The following NEXMIF variants were observed in gnomAD, a reference collection of about 807,000 sequenced individuals.
NEXMIF encodes the protein neurite extension and migration factor.
In NEXMIF, 8 loss-of-function variants were observed where a neutral mutation model predicts 62.1. The observed-to-expected ratio is 0.13, with a 90% CI of 0.08 to 0.23. The LOEUF is 0.23. NEXMIF is among the 10% of genes least tolerant of loss of function. The pLI is 1.00. For synonymous variants in NEXMIF, 404 were observed against 416.6 expected, an observed-to-expected ratio of 0.97 and a Z score of 0.37; for missense variants, 976 against 1,113.3, an observed-to-expected ratio of 0.88 and a Z score of 1.75.
At chrX:74,765,744 G>C (rs1388060225) in intron 1 of NEXMIF, among the ~76,000 whole-genome samples, 1 of 109,393 alleles carries the variant, frequency 9.1e-6, no homozygotes, top group Non-Finnish European at 1.9e-5. Context: ...AGAATGTTGA[G>C]ACTGGGTGTG....
chrX:74,766,541 T>C (rs1190137873), intron 1 of NEXMIF, among the ~76,000 whole-genome samples: 1 of 112,091 alleles, frequency 8.9e-6, no homozygotes, highest in Admixed American at 9.5e-5. Flanking sequence ...TGTGACTGCA[T>C]TGTGAAATTC....
At chrX:74,828,777 T>G (rs2080426542) in intron 1 of NEXMIF, among the ~76,000 whole-genome samples, 1 of 111,874 alleles carries the variant, frequency 8.9e-6, no homozygotes, top group Non-Finnish European at 1.9e-5. Flanking sequence ...ATCCTAGCCT[T>G]AAAAAAGCAA....
intron 1 of NEXMIF, among the ~76,000 whole-genome samples, chrX:74,859,172 C>T (rs1028584933): frequency 2.7e-5 from 3 of 111,051 alleles, no homozygotes; most frequent in African/African-American, 9.8e-5. Context: ...GGTTATAGAA[C>T]ACCCAACAGA....
At chrX:74,869,690 G>T (rs764388791) in intron 1 of NEXMIF, among the ~76,000 whole-genome samples, 1 of 111,602 alleles carries the variant, frequency 9.0e-6, no homozygotes, top group Non-Finnish European at 1.9e-5. Context: ...ATCTGAAAAT[G>T]AAATAAAGAA....
At chrX:74,885,372 A>G (rs1013091813) in intron 1 of NEXMIF, among the ~76,000 whole-genome samples, 1 of 111,760 alleles carries the variant, frequency 8.9e-6, no homozygotes, top group African/African-American at 3.3e-5. Flanking sequence ...GTTTTTTGAA[A>G]AGATCAACAA....
intron 1 of NEXMIF, among the ~76,000 whole-genome samples, chrX:74,831,938 T>C (rs987171198): frequency 3.6e-5 from 4 of 112,480 alleles, no homozygotes; most frequent in Admixed American, 1.9e-4. Flanking sequence ...TGCTGTACCA[T>C]CCTTGTATCC....
At chrX:74,883,547 C>T (rs994426509) in intron 1 of NEXMIF, among the ~76,000 whole-genome samples, 6 of 110,951 alleles carry the variant, frequency 5.4e-5, no homozygotes, top group Admixed American at 1.9e-4. Flanking sequence ...AGGGTATCAG[C>T]GATGGAAGAC....
At chrX:74,868,652 G>C (rs893499480) in intron 1 of NEXMIF, among the ~76,000 whole-genome samples, 8 of 109,600 alleles carry the variant, frequency 7.3e-5, no homozygotes, top group Non-Finnish European at 1.3e-4. Flanking sequence ...AAGAGCATCA[G>C]GATAAATAGC....
chrX:74,802,043 C>A (rs2080331343), intron 1 of NEXMIF, among the ~76,000 whole-genome samples: 1 of 112,084 alleles, frequency 8.9e-6, no homozygotes, highest in Non-Finnish European at 1.9e-5. Flanking sequence ...TCAGCTGCAA[C>A]AACAGAACAC....
chrX:74,779,268 T>C (rs964594477), intron 1 of NEXMIF, among the ~76,000 whole-genome samples: 1 of 111,410 alleles, frequency 9.0e-6, no homozygotes, highest in Non-Finnish European at 1.9e-5. Context: ...AGTGTTCTTA[T>C]TGTTCTCTTT....
chrX:74,740,967 C>T lies in NEXMIF; in HGVS notation c.3590G>A (p.Arg1197Lys), dbSNP rs2147439368. 2 of 1,211,587 alleles carry T rather than the reference C, an allele frequency of 1.7e-6. No homozygotes were observed. Among genetic ancestry groups the T allele is most frequent in the East Asian group, 5.9e-5 (2 of 33,811 alleles). The change falls in exon 3 of 4, where the codon AGG becomes AAG. Residue 1197 changes from arginine (R) to lysine (K), a missense_variant. Arg to Lys is a conservative substitution (Grantham distance 26). Coordinates refer to ENST00000055682, the MANE Select transcript of NEXMIF (RefSeq NM_001008537.3). The part of the protein sequence containing the change: ...MNQSSSQKNT[R>K]KKSLKGNNKG... ...GTTGTTACCTTTGAGGGATTTTTTCCTGGTGTTTTTCTGAGAAGAGCTTTG... is the reference window on the plus strand; with the variant it reads ...GTTGTTACCTTTGAGGGATTTTTTCTTGGTGTTTTTCTGAGAAGAGCTTTG...
intron 1 of NEXMIF, among the ~76,000 whole-genome samples, chrX:74,765,983 G>A (rs1327674423): frequency 6.6e-5 from 7 of 105,473 alleles, no homozygotes; most frequent in Non-Finnish European, 1.2e-4. Flanking sequence ...AGAGGTTGCA[G>A]TGAGCCGAGA....
intron 1 of NEXMIF, among the ~76,000 whole-genome samples, chrX:74,817,898 A>G (rs1338067172): frequency 9.0e-6 from 1 of 111,195 alleles, no homozygotes; most frequent in Non-Finnish European, 1.9e-5. Flanking sequence ...ACAGCTAACC[A>G]AAGAGGTTGA....
At chrX:74,897,290 T>C (rs2080735709) in intron 1 of NEXMIF, among the ~76,000 whole-genome samples, 1 of 111,996 alleles carries the variant, frequency 8.9e-6, no homozygotes, top group Admixed American at 9.5e-5. Context: ...GGCATACCAC[T>C]AACTGCCCTA....
intron 1 of NEXMIF, among the ~76,000 whole-genome samples, chrX:74,883,815 A>G (rs966423778): frequency 5.4e-5 from 6 of 111,427 alleles, no homozygotes; most frequent in African/African-American, 1.3e-4. Flanking sequence ...GATACTCCTC[A>G]AGAAGAGCAA....
At chrX:74,760,841 G>GATTTATGT (rs2080173550) in intron 1 of NEXMIF, among the ~76,000 whole-genome samples, 1 of 89,445 alleles carries the variant, frequency 1.1e-5, no homozygotes, top group East Asian at 3.7e-4. Context: ...TTGGCCCTAA[G>GATTTATGT]ATTTATTTAT....
At chrX:74,876,507 T>C (rs1281793465) in intron 1 of NEXMIF, among the ~76,000 whole-genome samples, 69 of 109,258 alleles carry the variant, frequency 6.3e-4, no homozygotes, top group African/African-American at 1.8e-3. Flanking sequence ...TCTATTAGGT[T>C]CGCTTGGTGC....
rs1363639775 is a variant in NEXMIF at position 74,739,174 on chromosome X, G to A, written c.*231C>T. 1 of 308,409 alleles carries A rather than the reference G, an allele frequency of 3.2e-6. No homozygotes were observed. The highest frequency in any genetic ancestry group is 2.8e-5 in the African/African-American group (1 of 35,703). 25.4% of individuals were successfully genotyped at this position (308,409 alleles called of 1,213,427 possible). Reference sequence around the variant, plus strand: ...TGATATAGAAGTAAAAATATATACAGTACAGTCACTTGTTTGTAGTTTGGC... The same window carrying A: ...TGATATAGAAGTAAAAATATATACAATACAGTCACTTGTTTGTAGTTTGGC... On this transcript the variant is annotated 3_prime_UTR_variant, in exon 4 of 4. Transcript: ENST00000055682.
chrX:74,784,453 G>A (rs1195206794), intron 1 of NEXMIF, among the ~76,000 whole-genome samples: 1 of 111,310 alleles, frequency 9.0e-6, no homozygotes, highest in Non-Finnish European at 1.9e-5. Flanking sequence ...ATTGTTTACA[G>A]CTTCCCCATT....
Sources: allele counts gnomAD v4.1 joint callset (sites outside exome capture counted in the v4.1 genomes callset), GRCh38; gene constraint gnomAD v4.1.1; transcripts MANE v1.5; gene names NCBI Gene and HGNC (gene_info 2026-07-23, HGNC 2026-07-21).